RORB: variants seen among roughly 807,000 people sequenced by gnomAD.
RORB encodes nuclear receptor ROR-beta.
RORB carries 6 observed loss-of-function variants against 59.1 expected under a neutral mutation model. The observed-to-expected ratio is 0.10, with a 90% confidence interval of 0.06 to 0.20. The LOEUF is 0.20. Among genes scored for constraint, RORB ranks in the 10% least tolerant of loss-of-function variants. The probability of loss-of-function intolerance (pLI) is 1.00; values close to 1 mark genes in which losing one functional copy is unlikely to be tolerated. For missense variants in RORB, 320 were observed against 560.5 expected (o/e 0.57, Z 4.33); for synonymous variants, 215 against 204.5 (o/e 1.05, Z -0.44).
At chr9:74,546,644 G>A (rs1303064720) in intron 1 of RORB, among the ~76,000 whole-genome samples, 1 of 152,236 alleles carries the variant, frequency 6.6e-6, no homozygotes, top group Non-Finnish European at 1.5e-5. Flanking sequence ...ACTAGGAACT[G>A]AGACTGTGGT....
At chr9:74,562,319 T>C (rs1355477004) in intron 1 of RORB, among the ~76,000 whole-genome samples, 1 of 152,228 alleles carries the variant, frequency 6.6e-6, no homozygotes, top group Non-Finnish European at 1.5e-5. Flanking sequence ...GGAGTAGGAA[T>C]TCAAATAAAA....
chr9:74,520,069 A>G (rs1266888634), intron 1 of RORB, among the ~76,000 whole-genome samples: 1 of 151,962 alleles, frequency 6.6e-6, no homozygotes, highest in Non-Finnish European at 1.5e-5. Context: ...AGAAGGAAAA[A>G]AAATAAAGCC....
chr9:74,608,253 G>T (rs981860282), intron 1 of RORB, among the ~76,000 whole-genome samples: 1 of 151,986 alleles, frequency 6.6e-6, no homozygotes, highest in African/African-American at 2.4e-5. Context: ...TAAGAAACAC[G>T]TCCTAACAAT....
intron 9 of RORB, among the ~76,000 whole-genome samples, chr9:74,681,817 T>C (rs1340058502): frequency 6.6e-6 from 1 of 152,218 alleles, no homozygotes; most frequent in Non-Finnish European, 1.5e-5. Context: ...TCAAGAATTG[T>C]TGTACATATG....
In RORB at chr9:74,668,723, C is replaced by T. The variant is rs561911748; in HGVS notation, c.1111+822C>T. Among the ~76,000 whole-genome samples, 7 of 152,198 alleles carry T rather than the reference C, an allele frequency of 4.6e-5. No homozygotes were observed. The East Asian group carries it at 7.7e-4, about 17-fold the overall frequency. ...TCATCATAAAGGTCTTCATCATGGT[C>T]GTCTTCATGCTGAGTAGGCTGAGGA... On this transcript the variant is annotated intron_variant, in intron 8 of 9. Transcript: ENST00000376896.
At chr9:74,546,248 G>C (rs1329693714) in intron 1 of RORB, among the ~76,000 whole-genome samples, 1 of 152,208 alleles carries the variant, frequency 6.6e-6, no homozygotes, top group Non-Finnish European at 1.5e-5. Context: ...TTTACCACTT[G>C]AAAGGAGAGA....
chr9:74,534,768 T>C (rs1826296571), intron 1 of RORB, among the ~76,000 whole-genome samples: 1 of 152,024 alleles, frequency 6.6e-6, no homozygotes. Context: ...TATTTTGACA[T>C]AATGATCACA....
intron 1 of RORB, among the ~76,000 whole-genome samples, chr9:74,614,874 C>A (rs1003205873): frequency 1.3e-5 from 2 of 152,134 alleles, no homozygotes; most frequent in Non-Finnish European, 2.9e-5. Flanking sequence ...GTCTTTGTTT[C>A]TTCATCATTC....
At chr9:74,500,282 T>C (rs991773203) in intron 1 of RORB, among the ~76,000 whole-genome samples, 1 of 152,162 alleles carries the variant, frequency 6.6e-6, no homozygotes, top group Non-Finnish European at 1.5e-5. Context: ...CCCTAGTGTC[T>C]TTCCTTACTA....
intron 1 of RORB, among the ~76,000 whole-genome samples, chr9:74,580,650 T>C (rs1320696124): frequency 1.3e-5 from 2 of 152,160 alleles, no homozygotes; most frequent in African/African-American, 4.8e-5. Context: ...CATCAAAATA[T>C]GTTCATCAGG....
chr9:74,669,401 C>T (rs751563862), intron 8 of RORB, among the ~76,000 whole-genome samples: 2 of 151,220 alleles, frequency 1.3e-5, no homozygotes, highest in Non-Finnish European at 1.5e-5. Flanking sequence ...ATCACTTGAA[C>T]CCAGGAGGCA....
At chr9:74,630,880 C>G (rs536435705) in intron 2 of RORB, among the ~76,000 whole-genome samples, 1 of 151,578 alleles carries the variant, frequency 6.6e-6, no homozygotes, top group Admixed American at 6.6e-5. Context: ...TGTTAGAAGC[C>G]GAAAAGATTA....
Position 74,671,815 on chromosome 9 carries a change from A to C in RORB, c.1138A>C (p.Lys380Gln), listed in dbSNP as rs1238554541. ...CCGAGCCTGGCTTATAGAACCAAGG[A>C]AAGTCCAGAAGCTTCAGGAAAAAAT... ...PDRAWLIEPR[K>Q]VQKLQEKIYF... The change falls in exon 9 of 10, where the codon AAA becomes CAA. Residue 380 changes from lysine to glutamine, a missense_variant. Lys to Gln is a moderately conservative substitution (Grantham distance 53). This residue lies in a region of RORB where 109 missense variants were observed against 171.0 expected (regional missense o/e 0.64). Coordinates refer to ENST00000376896, the MANE Select transcript of RORB (RefSeq NM_006914.4). The C allele has an allele frequency of 1.2e-6, 2 of 1,612,602 alleles. No individual in the cohort carries two copies. The highest frequency in any genetic ancestry group is 1.7e-6 in the Non-Finnish European group (2 of 1,179,008).
chr9:74,510,968 A>G (rs554363803), intron 1 of RORB, among the ~76,000 whole-genome samples: 1 of 152,308 alleles, frequency 6.6e-6, no homozygotes, highest in South Asian at 2.1e-4. Context: ...TAAAAATATC[A>G]TACTCTTTAG....
intron 1 of RORB, among the ~76,000 whole-genome samples, chr9:74,538,689 A>G (rs543610276): frequency 6.6e-6 from 1 of 151,808 alleles, no homozygotes; most frequent in Non-Finnish European, 1.5e-5. Flanking sequence ...TCTACTTCAT[A>G]AAGTAATTTT....
chr9:74,575,818 C>T (rs1822626682), intron 1 of RORB, among the ~76,000 whole-genome samples: 1 of 151,976 alleles, frequency 6.6e-6, no homozygotes, highest in Non-Finnish European at 1.5e-5. Flanking sequence ...TTAGACCCCA[C>T]AGAGTAGGAA....
intron 1 of RORB, among the ~76,000 whole-genome samples, chr9:74,611,724 C>T (rs559104268): frequency 4.6e-5 from 7 of 152,220 alleles, no homozygotes; most frequent in Admixed American, 2.6e-4. Flanking sequence ...CTTGGCTCAC[C>T]GCAACCTCCA....
At chr9:74,616,988 T>C (rs1179976074) in intron 1 of RORB, among the ~76,000 whole-genome samples, 1 of 135,206 alleles carries the variant, frequency 7.4e-6, no homozygotes, top group Non-Finnish European at 1.7e-5. Context: ...AAGCTGTAGC[T>C]TTAAAAAAAA....
At chr9:74,685,361 A>T in intron 9 of RORB, 102 bp from the exon 10 acceptor site, 1 of 920,674 alleles carries the variant, frequency 1.1e-6, no homozygotes, top group Non-Finnish European at 1.5e-6. Flanking sequence ...CTTTTTCCAA[A>T]GCCTTTTACC....
Sources: gnomAD v4.1 joint callset for allele counts (sites outside exome capture counted in the v4.1 genomes callset) on GRCh38, gnomAD v4.1.1 for gene constraint, gnomAD v4.1.1 regional missense constraint, MANE v1.5 for transcripts, NCBI Gene and HGNC (gene_info 2026-07-23, HGNC 2026-07-21) for gene names.